MAGI2: variants seen among roughly 807,000 people sequenced by gnomAD.
MAGI2 encodes membrane-associated guanylate kinase, WW and PDZ domain-containing protein 2.
A neutral mutation model predicts 133.3 loss-of-function variants in MAGI2; 35 were observed. The ratio of observed to expected loss-of-function variants is 0.26; its 90% CI spans 0.20 to 0.35. MAGI2 has a LOEUF of 0.35. MAGI2 is among the 10% of genes least tolerant of loss of function. The pLI is 1.00. For synonymous variants in MAGI2, 729 were observed against 710.6 expected (o/e 1.03, Z -0.41); for missense variants, 1,636 against 1,863.4 (o/e 0.88, Z 2.25).
intron 1 of MAGI2, among the ~76,000 whole-genome samples, chr7:79,111,445 T>TA (rs1198799400): frequency 6.6e-6 from 1 of 152,202 alleles, no homozygotes; most frequent in African/African-American, 2.4e-5. Context: ...AAGAATAAAT[T>TA]ATCATTTTTG....
At chr7:78,708,638 C>T (rs1212785786) in intron 2 of MAGI2, among the ~76,000 whole-genome samples, 1 of 152,140 alleles carries the variant, frequency 6.6e-6, no homozygotes, top group Non-Finnish European at 1.5e-5. Flanking sequence ...AATGAAGTGT[C>T]TGTAAATACA....
At chr7:79,125,323 G>A in intron 1 of MAGI2, 3 of 463,590 alleles carry the variant, frequency 6.5e-6, no homozygotes, top group South Asian at 5.0e-5. Flanking sequence ...AGGTTGGCAT[G>A]GTTCTGGAAA....
chr7:78,237,233 C>T (rs536382856), intron 10 of MAGI2, among the ~76,000 whole-genome samples: 1 of 152,220 alleles, frequency 6.6e-6, no homozygotes, highest in Non-Finnish European at 1.5e-5. Flanking sequence ...TATATTCATC[C>T]AAATACTTAA....
chr7:78,038,882 C>G (rs952424028), intron 21 of MAGI2, among the ~76,000 whole-genome samples: 2 of 152,260 alleles, frequency 1.3e-5, no homozygotes, highest in African/African-American at 4.8e-5. Context: ...CTGAGCCAAA[C>G]TCACGTCACG....
At chr7:79,256,099 C>G (rs916586981) in intron 1 of MAGI2, among the ~76,000 whole-genome samples, 1 of 152,154 alleles carries the variant, frequency 6.6e-6, no homozygotes, top group Non-Finnish European at 1.5e-5. Flanking sequence ...GAAAGAATCA[C>G]TTGAATTAAT....
At chr7:79,060,446 CTAGT>C (rs917400120) in intron 1 of MAGI2, among the ~76,000 whole-genome samples, 11 of 151,790 alleles carry the variant, frequency 7.2e-5, no homozygotes, top group Admixed American at 1.3e-4. Context: ...TAGTATTTGA[CTAGT>C]TAGGTCAATC....
At chr7:78,214,240 A>G (rs1264574160) in intron 10 of MAGI2, among the ~76,000 whole-genome samples, 2 of 152,186 alleles carry the variant, frequency 1.3e-5, no homozygotes, top group African/African-American at 2.4e-5. Context: ...CTTTTTAAAT[A>G]TTACATCTTC....
intron 1 of MAGI2, among the ~76,000 whole-genome samples, chr7:79,322,993 T>G (rs1448060500): frequency 6.6e-6 from 1 of 151,932 alleles, no homozygotes; most frequent in Non-Finnish European, 1.5e-5. Context: ...CATGCACCAT[T>G]ACTCCTCAGC....
At chr7:78,207,234 C>CTT (rs11393167) in intron 10 of MAGI2, among the ~76,000 whole-genome samples, 1 of 151,838 alleles carries the variant, frequency 6.6e-6, no homozygotes, top group African/African-American at 2.4e-5. Context: ...TTAAATTATC[C>CTT]TTTTTTATGA....
At chr7:79,381,839 T>C (rs1367484005) in intron 1 of MAGI2, among the ~76,000 whole-genome samples, 1 of 151,812 alleles carries the variant, frequency 6.6e-6, no homozygotes, top group African/African-American at 2.4e-5. Context: ...TGCAAATATA[T>C]CATTGTATTA....
intron 2 of MAGI2, among the ~76,000 whole-genome samples, chr7:78,827,691 G>A (rs1790784925): frequency 6.6e-6 from 1 of 151,970 alleles, no homozygotes; most frequent in African/African-American, 2.4e-5. Context: ...CTTACAATTT[G>A]AGCAACATAA....
chr7:78,567,916 T>C (rs2150757536), intron 3 of MAGI2: 1 of 152,376 alleles, frequency 6.6e-6, no homozygotes, highest in South Asian at 2.1e-4. Context: ...CAGGCATTTG[T>C]CCACACCATT....
At chr7:78,550,079 C>T (rs1161086679) in intron 3 of MAGI2, among the ~76,000 whole-genome samples, 2 of 152,152 alleles carry the variant, frequency 1.3e-5, no homozygotes, top group East Asian at 3.9e-4. Context: ...ACATAGAAAG[C>T]ACCGTCTACA....
chr7:78,461,916 C>CAAAAAAAAAAAAAAAAAAAAAAAAA (rs55811983), intron 6 of MAGI2, among the ~76,000 whole-genome samples: 5 of 30,536 alleles, frequency 1.6e-4, no homozygotes, highest in Admixed American at 4.5e-4. Context: ...AATTCCGTCT[C>CAAAAAAAAAAAAAAAAAAAAAAAAA]AAAAAAAAAA....
chr7:78,838,150 G>T (rs1378764208), intron 2 of MAGI2, among the ~76,000 whole-genome samples: 4 of 152,062 alleles, frequency 2.6e-5, no homozygotes, highest in Admixed American at 2.6e-4. Flanking sequence ...CCAAATAATG[G>T]TCTATGCTGG....
intron 6 of MAGI2, among the ~76,000 whole-genome samples, chr7:78,461,393 C>CGTGTGTGTGTGT (rs10654835): frequency 0.065 from 8,956 of 137,966 alleles, 344 homozygotes; most frequent in Admixed American, 0.11. Context: ...CGTGTGTGTG[C>CGTGTGTGTGTGT]GTGTGTGTGT....
chr7:78,633,987 A>T (rs1181241522), intron 2 of MAGI2, among the ~76,000 whole-genome samples: 8 of 152,212 alleles, frequency 5.3e-5, no homozygotes, highest in Non-Finnish European at 7.3e-5. Context: ...GAAAACTACA[A>T]TTTCACAAAT....
rs1208664857 is a variant in MAGI2 at position 78,297,231 on chromosome 7, CTCA to C, written c.1409-40653_1409-40651del. 2.2e-4 allele frequency among the ~76,000 whole-genome samples: 34 copies of C among 152,270 alleles called. 1 individual carries two copies. The highest frequency in any genetic ancestry group is 1.9e-4 in the East Asian group (1 of 5,174). On this transcript the variant is annotated intron_variant, in intron 9 of 21. Transcript: ENST00000354212. ...ATAAACCTGACAAACACTACACTAG[CTCA>C]TCATCACTGGCCATCAGAGAAATGC...
chr7:78,490,542 G>A (rs1183124725), intron 5 of MAGI2, among the ~76,000 whole-genome samples: 1 of 152,058 alleles, frequency 6.6e-6, no homozygotes, highest in Non-Finnish European at 1.5e-5. Flanking sequence ...AAGTAAAGGA[G>A]AGATATTCTT....
Sources: allele counts gnomAD v4.1 joint callset (sites outside exome capture counted in the v4.1 genomes callset), GRCh38; gene constraint gnomAD v4.1.1; transcripts MANE v1.5; gene names NCBI Gene and HGNC (gene_info 2026-07-23, HGNC 2026-07-21).